ZIC1: variants seen among roughly 807,000 people sequenced by gnomAD.
The protein encoded by ZIC1 is zinc finger protein ZIC 1.
Under a neutral mutation model 30.9 loss-of-function variants are expected in ZIC1, and 4 were observed. The observed-to-expected ratio is 0.13, with a 90% confidence interval of 0.06 to 0.30. The LOEUF is 0.30. ZIC1 is among the 10% of genes least tolerant of loss of function. The pLI is 1.00. For missense variants in ZIC1, 441 were observed against 639.3 expected, an observed-to-expected ratio of 0.69 and a Z score of 3.34; for synonymous variants, 305 against 277.5, an observed-to-expected ratio of 1.10 and a Z score of -0.98.
Position 147,410,782 on chromosome 3 carries a change from G to A in ZIC1, c.670G>A (p.Glu224Lys). ...CTACATGCGCCAACCCATCAAGCAA[G>A]AGCTCATCTGCAAGTGGATCGAGCC... Reference protein sequence around the residue: ...FRYMRQPIKQELICKWIEPEQ... With the variant: ...FRYMRQPIKQKLICKWIEPEQ... Residue 224 changes from glutamate to lysine, a missense_variant, in exon 1 of 3, where the codon GAG becomes AAG. This residue lies in a region of ZIC1 where 307 missense variants were observed against 355.3 expected (regional missense o/e 0.86). Transcript: ENST00000282928. The A allele has an allele frequency of 6.2e-7, 1 of 1,614,226 alleles. No individual in the cohort carries two copies. Among genetic ancestry groups the A allele is most frequent in the Non-Finnish European group, 8.5e-7 (1 of 1,180,036 alleles).
In ZIC1 at chr3:147,410,442, G is replaced by A; in HGVS notation, c.330G>A (p.Ala110=). The A allele has an allele frequency of 6.2e-7, 1 of 1,603,356 alleles. No homozygotes were observed. Among genetic ancestry groups the A allele is most frequent in the Non-Finnish European group, 8.5e-7 (1 of 1,179,496 alleles). Residue 110 remains alanine (A), a synonymous_variant, in exon 1 of 3, where the codon GCG becomes GCA. Coordinates refer to ENST00000282928, the MANE Select transcript of ZIC1 (RefSeq NM_003412.4). ...TCCGCAACCGGGGTTTTGGCGACGCGGCGGCGGCAGCCAGCGCACAGCACA... is the reference window on the plus strand; with the variant it reads ...TCCGCAACCGGGGTTTTGGCGACGCAGCGGCGGCAGCCAGCGCACAGCACA... ...FLFRNRGFGD[A]AAAASAQHSL... is the part of the protein sequence containing the mutation.
rs777419584 is a variant in ZIC1, at chr3:147,413,469, C to G, written c.1262C>G (p.Ser421Cys). 3.7e-6 allele frequency: 6 copies of G among 1,614,186 alleles called. No homozygotes were observed. In the East Asian group the frequency reaches 1.3e-4, roughly 36 times the overall value. ...TCCACAGACAACCCGACCACAAGCT[C>G]CTTATCGCCCTCCTCCTCCGCAGTC... ...SPSTDNPTTS[S>C]LSPSSSAVHH... The change falls in exon 3 of 3, where the codon TCC becomes TGC. Residue 421 changes from serine (S) to cysteine (C), a missense_variant. Physicochemically the swap from Ser to Cys is moderately radical, Grantham distance 112. This residue lies in a region of ZIC1 where 56 missense variants were observed against 52.5 expected (regional missense o/e 1.07). Transcript: ENST00000282928.
chr3:147,410,003 TTCCTCCTCTTCC>T lies in ZIC1; in HGVS notation c.-99_-88del, dbSNP rs1307434063. On this transcript the variant is annotated 5_prime_UTR_variant, in exon 1 of 3. Transcript: ENST00000282928. ...CGACTCCCCCTCCCTCCTCCTCTTC[TTCCTCCTCTTCC>T]TCCTCCTCTTGTTCCTCCTCCTCCT... The T allele has an allele frequency of 1.4e-5, 17 of 1,202,398 alleles. No individual in the cohort carries two copies. The East Asian group carries it at 3.5e-4, about 25-fold the overall frequency. 74.5% of individuals were successfully genotyped at this position (1,202,398 alleles called of 1,614,324 possible).
At position 147,410,286 on chromosome 3, in the gene ZIC1, G is replaced by A. The variant is rs755293143; in HGVS notation, c.174G>A (p.Ser58=). Residue 58 remains serine (S), a synonymous_variant, in exon 1 of 3, where the codon TCG becomes TCA. Transcript: ENST00000282928. ...KLNPSSHELA[S]AGQTAFTSQA... is the part of the protein sequence containing the mutation. ...ACCCCAGTTCGCACGAGCTGGCTTC[G>A]GCCGGCCAGACGGCCTTCACGTCGC... The A allele has an allele frequency of 6.2e-7, 1 of 1,600,260 alleles. No individual in the cohort carries two copies. The highest frequency in any genetic ancestry group is 2.2e-5 in the East Asian group (1 of 44,832).
rs1201699990 is a variant in ZIC1 at position 147,413,924 on chromosome 3, A to G, written c.*373A>G. 6 of 158,616 alleles carry G rather than the reference A, an allele frequency of 3.8e-5. No homozygotes were observed. In the East Asian group the frequency reaches 5.6e-4, roughly 15 times the overall value. 9.8% of individuals were successfully genotyped at this position (158,616 alleles called of 1,614,324 possible). ...TTTGTTTTCTTGTAAATACAGAATTATTAGCTTAAAACTGTACTGTTGAAT... is the reference window on the plus strand; with the variant it reads ...TTTGTTTTCTTGTAAATACAGAATTGTTAGCTTAAAACTGTACTGTTGAAT... On this transcript the variant is annotated 3_prime_UTR_variant, in exon 3 of 3. Transcript: ENST00000282928.
rs896018052 is a variant in ZIC1 at position 147,416,524 on chromosome 3, T to A, written c.*2973T>A. ...CAATTAAATATCACACTATGACATA[T>A]GATTTAAGTAGGATATTTTAAAGAT... On this transcript the variant is annotated 3_prime_UTR_variant, in exon 3 of 3. Coordinates refer to ENST00000282928, the MANE Select transcript of ZIC1 (RefSeq NM_003412.4). 1 of 152,216 alleles carries A rather than the reference T, an allele frequency of 6.6e-6. No homozygotes were observed. The highest frequency in any genetic ancestry group is 2.4e-5 in the African/African-American group (1 of 41,450). 9.4% of individuals were successfully genotyped at this position (152,216 alleles called of 1,614,324 possible).
chr3:147,411,226 G>A (rs2087373969), intron 1 of ZIC1, 132 bp downstream of exon 1: 2 of 1,254,824 alleles, frequency 1.6e-6, no homozygotes, highest in East Asian at 2.5e-5. Context: ...GGCAGGCAGG[G>A]AAAGTGTGCG....
In ZIC1 at chr3:147,415,556, C is replaced by G. The variant is rs994263862; in HGVS notation, c.*2005C>G. 3.9e-5 allele frequency: 6 copies of G among 152,666 alleles called. No individual in the cohort carries two copies. The highest frequency in any genetic ancestry group is 8.8e-5 in the Non-Finnish European group (6 of 68,038). 9.5% of individuals were successfully genotyped at this position (152,666 alleles called of 1,614,324 possible). ...GACAACGTAGCCGGAGATCACAAAT[C>G]AGGCCCTTGGCTGTAGTTGCTAGTG... On this transcript the variant is annotated 3_prime_UTR_variant, in exon 3 of 3. Coordinates refer to ENST00000282928, the MANE Select transcript of ZIC1 (RefSeq NM_003412.4).
Position 147,415,610 on chromosome 3 carries a change from C to A in ZIC1, c.*2059C>A, listed in dbSNP as rs2087427112. 1 of 152,632 alleles carries A rather than the reference C, an allele frequency of 6.6e-6. No homozygotes were observed. The highest frequency in any genetic ancestry group is 6.5e-5 in the Admixed American group (1 of 15,276). The allele number at this position is 152,632 out of a possible 1,614,324, so 9.5% of individuals were successfully genotyped here. A position where few individuals can be genotyped will look rare whatever the true frequency, so the allele number is the denominator to read the frequency against. On this transcript the variant is annotated 3_prime_UTR_variant, in exon 3 of 3. Coordinates refer to ENST00000282928, the MANE Select transcript of ZIC1 (RefSeq NM_003412.4). Reference sequence around the variant, plus strand: ...GGAGGTGCAGAGCAGGTGGCAGAAACTGACCTCACTGGGCAAGGGTGGCCA... The same window carrying A: ...GGAGGTGCAGAGCAGGTGGCAGAAAATGACCTCACTGGGCAAGGGTGGCCA...
rs745325418 is a variant in ZIC1 at position 147,410,299 on chromosome 3, G to C, written c.187G>C (p.Ala63Pro). The C allele has an allele frequency of 5.6e-6, 9 of 1,599,992 alleles. No individual in the cohort carries two copies. Among genetic ancestry groups the C allele is most frequent in the Non-Finnish European group, 7.6e-6 (9 of 1,179,332 alleles). ...SHELASAGQT[A>P]FTSQAPGYAA... ...CGAGCTGGCTTCGGCCGGCCAGACG[G>C]CCTTCACGTCGCAGGCGCCAGGCTA... Residue 63 changes from alanine to proline, a missense_variant, in exon 1 of 3, where the codon GCC becomes CCC. Physicochemically the swap from Ala to Pro is conservative, Grantham distance 27. Transcript: ENST00000282928.
Position 147,413,413 on chromosome 3 carries a change from A to C in ZIC1, c.1206A>C (p.Glu402Asp). The change falls in exon 3 of 3, where the codon GAA (glutamate) becomes GAC (aspartate). Residue 402 changes from glutamate (E) to aspartate (D), a missense_variant. By Grantham distance (45) the Glu-to-Asp change is conservative. Transcript: ENST00000282928. Reference sequence around the variant, plus strand: ...CGCCGGCCGCCAGCTCTGGCTACGAATCCTCCACGCCTCCCACCATCGTGT... The same window carrying C: ...CGCCGGCCGCCAGCTCTGGCTACGACTCCTCCACGCCTCCCACCATCGTGT... ...QPSPAASSGY[E>D]SSTPPTIVSP... is the part of the protein sequence containing the mutation. 6.2e-7 allele frequency: 1 copy of C among 1,613,958 alleles called. No homozygotes were observed. The highest frequency in any genetic ancestry group is 8.5e-7 in the Non-Finnish European group (1 of 1,179,968).
Position 147,416,185 on chromosome 3 carries a change from C to A in ZIC1, c.*2634C>A, listed in dbSNP as rs1311868551. On this transcript the variant is annotated 3_prime_UTR_variant, in exon 3 of 3. Coordinates refer to ENST00000282928, the MANE Select transcript of ZIC1 (RefSeq NM_003412.4). ...AGTGACTCCAGACATTAGGTCCAGA[C>A]ATTAGTTAAAAATAGAAAGAGGAAT... 1 of 152,178 alleles carries A rather than the reference C, an allele frequency of 6.6e-6. No homozygotes were observed. The highest frequency in any genetic ancestry group is 1.5e-5 in the Non-Finnish European group (1 of 68,026). 9.4% of individuals were successfully genotyped at this position (152,178 alleles called of 1,614,324 possible).
chr3:147,412,553 G>A lies in ZIC1; in HGVS notation c.1018G>A (p.Asp340Asn). The change falls in exon 2 of 3, where the codon GAC becomes AAC. Residue 340 changes from aspartate (D) to asparagine (N), a missense_variant. Physicochemically the swap from Asp to Asn is conservative, Grantham distance 23. This residue lies in a region of ZIC1 where 14 missense variants were observed against 99.8 expected (regional missense o/e 0.14). Transcript: ENST00000282928. ...CTTCAAGTGCGAGTTTGAGGGCTGT[G>A]ACCGGCGCTTCGCTAACAGCAGCGA... ...KPFKCEFEGC[D>N]RRFANSSDRK... 6.2e-7 allele frequency: 1 copy of A among 1,614,208 alleles called. No individual in the cohort carries two copies. The highest frequency in any genetic ancestry group is 8.5e-7 in the Non-Finnish European group (1 of 1,180,044).
At chr3:147,412,706 C>T (rs916305190) in intron 2 of ZIC1, 25 bp downstream of exon 2, 9 of 1,597,566 alleles carry the variant, frequency 5.6e-6, no homozygotes, top group East Asian at 2.3e-5. Context: ...CTCGTCGCCC[C>T]CTTTGAGGCA....
At position 147,416,394 on chromosome 3, in the gene ZIC1, C is replaced by G. The variant is rs866247074; in HGVS notation, c.*2843C>G. ...GTAAATGATGAGTTCATCTTTTCTT[C>G]GAACATTCCTATTCCTAGATGTAGT... On this transcript the variant is annotated 3_prime_UTR_variant, in exon 3 of 3. Coordinates refer to ENST00000282928, the MANE Select transcript of ZIC1 (RefSeq NM_003412.4). 6.6e-6 allele frequency: 1 copy of G among 152,124 alleles called. No homozygotes were observed. The highest frequency in any genetic ancestry group is 1.5e-5 in the Non-Finnish European group (1 of 68,002). The allele number at this position is 152,124 out of a possible 1,614,324, so 9.4% of individuals were successfully genotyped here.
rs1367052575 is a variant in ZIC1, at chr3:147,414,618, C to G, written c.*1067C>G. On this transcript the variant is annotated 3_prime_UTR_variant, in exon 3 of 3. Transcript: ENST00000282928. ...ACCAGCAACCTGCTGCCTCTTCTGC[C>G]AGTCTTAAAGGGTCTCCAGAAAAGC... The G allele has an allele frequency of 2.0e-5, 3 of 152,588 alleles. No homozygotes were observed. The highest frequency in any genetic ancestry group is 4.4e-5 in the Non-Finnish European group (3 of 68,038). The allele number at this position is 152,588 out of a possible 1,614,324, so 9.5% of individuals were successfully genotyped here. A position where few individuals can be genotyped will look rare whatever the true frequency, so the allele number is the denominator to read the frequency against.
At chr3:147,411,220 G>A in intron 1 of ZIC1, 126 bp downstream of exon 1, 1 of 1,324,168 alleles carries the variant, frequency 7.6e-7, no homozygotes, top group Non-Finnish European at 1.0e-6. Flanking sequence ...CCGGCAGGCA[G>A]GCAGGGAAAG....
At position 147,413,484 on chromosome 3, in the gene ZIC1, C is replaced by T. The variant is rs1302065329; in HGVS notation, c.1277C>T (p.Ser426Phe). 5 of 1,614,080 alleles carry T rather than the reference C, an allele frequency of 3.1e-6. No homozygotes were observed. The highest frequency in any genetic ancestry group is 3.4e-6 in the Non-Finnish European group (4 of 1,180,048). The change falls in exon 3 of 3, where the codon TCC becomes TTC. Residue 426 changes from serine to phenylalanine, a missense_variant. Ser to Phe is a radical substitution (Grantham distance 155). This residue lies in a region of ZIC1 where 56 missense variants were observed against 52.5 expected (regional missense o/e 1.07). Coordinates refer to ENST00000282928, the MANE Select transcript of ZIC1 (RefSeq NM_003412.4). ...ACCACAAGCTCCTTATCGCCCTCCT[C>T]CTCCGCAGTCCACCACACAGCCGGC... is the stretch of plus-strand genomic sequence containing the variant. ...NPTTSSLSPS[S>F]SAVHHTAGHS...
chr3:147,413,212 C>A, intron 2 of ZIC1, 142 bp from the exon 3 acceptor site: 1 of 874,922 alleles, frequency 1.1e-6, no homozygotes. Flanking sequence ...GAAACCAAGC[C>A]CAAAGTCCCG....
Sources: allele counts gnomAD v4.1 joint callset, GRCh38; gene constraint gnomAD v4.1.1; regional missense constraint gnomAD v4.1.1; transcripts MANE v1.5; gene names NCBI Gene and HGNC (gene_info 2026-07-23, HGNC 2026-07-21).